Variants in TBC1D5 observed in about 807,000 individuals in gnomAD.
TBC1D5 encodes TBC1 domain family member 5, also known as TBC1 domain family, member 5.
In TBC1D5, 75 loss-of-function variants were observed where a neutral mutation model predicts 100.3. The ratio of observed to expected loss-of-function variants is 0.75; its 90% confidence interval spans 0.62 to 0.91. The LOEUF (loss-of-function observed/expected upper bound fraction) is 0.91, where lower values mean the gene tolerates loss of function less well. Ranked by LOEUF, TBC1D5 falls within the 40% of genes least tolerant of loss-of-function variation. TBC1D5 has a pLI of 0.00. For synonymous variants in TBC1D5, 323 were observed against 325.6 expected (o/e 0.99, Z 0.09); for missense variants, 910 against 942.4 (o/e 0.97, Z 0.45).
At chr3:17,293,749 C>T (rs189174984) in intron 14 of TBC1D5, among the ~76,000 whole-genome samples, 85 of 152,334 alleles carry the variant, frequency 5.6e-4, no homozygotes, top group African/African-American at 2.0e-3. Flanking sequence ...GAGAAAATTA[C>T]AGCCCAGAAG....
At chr3:17,714,177 T>C (rs553304021) in intron 1 of TBC1D5, among the ~76,000 whole-genome samples, 3 of 152,116 alleles carry the variant, frequency 2.0e-5, no homozygotes, top group East Asian at 1.9e-4. Context: ...TAATGACTGA[T>C]GCAAGATGCT....
In TBC1D5 at chr3:17,187,610, T is replaced by C. The variant is rs560667115; in HGVS notation, c.1753-2402A>G. On this transcript the variant is annotated intron_variant, in intron 18 of 21. Transcript: ENST00000253692. The stretch of plus-strand genomic sequence containing the variant: ...TTTGGAGTAGTTTGTTATGCAGCAA[T>C]AGACAACAGAAATAGTGGCAGAATG... Among the ~76,000 whole-genome samples the C allele has an allele frequency of 4.6e-5, 7 of 152,284 alleles. No homozygotes were observed. In the South Asian group the frequency reaches 1.0e-3, roughly 23 times the overall value.
chr3:17,561,231 T>C (rs748138432), intron 2 of TBC1D5, among the ~76,000 whole-genome samples: 51 of 152,180 alleles, frequency 3.4e-4, no homozygotes, highest in Admixed American at 5.9e-4. Context: ...ATCTATGTTA[T>C]AATGAAAAGG....
chr3:17,742,508 C>T (rs2077563165), upstream of TBC1D5: 1 of 152,810 alleles, frequency 6.5e-6, no homozygotes, highest in Admixed American at 6.5e-5. Flanking sequence ...TCCCCAGCTC[C>T]TATTCCCTGA....
chr3:17,696,962 A>G lies in TBC1D5; in HGVS notation c.-101+42381T>C, dbSNP rs548493261. Among the ~76,000 whole-genome samples the G allele has an allele frequency of 5.3e-5, 8 of 152,362 alleles. 1 individual carries two copies. The South Asian group carries it at 1.7e-3, about 32-fold the overall frequency. On this transcript the variant is annotated intron_variant, in intron 1 of 21. Coordinates refer to ENST00000253692, the Ensembl canonical transcript of TBC1D5. ...AGGCTGATTCAACATACGCAAATCA[A>G]TAAACATAATCCATCACATAAACAG...
At position 17,371,442 on chromosome 3, in the gene TBC1D5, C is replaced by T. The variant is rs573344655; in HGVS notation, c.995+633G>A. 4.6e-5 allele frequency among the ~76,000 whole-genome samples: 7 copies of T among 152,260 alleles called. No homozygotes were observed. The East Asian group carries it at 1.2e-3, about 25-fold the overall frequency. On this transcript the variant is annotated intron_variant, in intron 13 of 21. Coordinates refer to ENST00000253692, the Ensembl canonical transcript of TBC1D5. ...CATCTTTCTTTTGCACTGAGCTCTG[C>T]AAATTATGTAGCCAATCCTAAATAA...
At chr3:17,471,044 G>A (rs925190380) in intron 3 of TBC1D5, among the ~76,000 whole-genome samples, 1 of 152,174 alleles carries the variant, frequency 6.6e-6, no homozygotes, top group Non-Finnish European at 1.5e-5. Context: ...GTCATTGCAA[G>A]GGGTTACCAC....
At position 17,372,123 on chromosome 3, in the gene TBC1D5, A is replaced by G. The variant is rs1171179308; in HGVS notation, c.947T>C (p.Leu316Pro). The G allele has an allele frequency of 2.5e-6, 4 of 1,613,506 alleles. No homozygotes were observed. The African/African-American group carries it at 4.0e-5, about 16-fold the overall frequency. Residue 316 changes from leucine (L) to proline (P), a missense_variant, in exon 13 of 22, where the codon CTT becomes CCT. Transcript: ENST00000253692. ...TTCTAGTCTGTTCAAGTGCATGTAAAGCTCAATATCATGCTTCTTCAGTAG... is the reference window on the plus strand; with the variant it reads ...TTCTAGTCTGTTCAAGTGCATGTAAGGCTCAATATCATGCTTCTTCAGTAG...
At chr3:17,389,170 T>C (rs2093271874) in intron 8 of TBC1D5, among the ~76,000 whole-genome samples, 1 of 152,114 alleles carries the variant, frequency 6.6e-6, no homozygotes, top group African/African-American at 2.4e-5. Context: ...TTCAGAATTT[T>C]ACGTATTGTG....
chr3:17,223,012 T>C (rs1303475197), intron 17 of TBC1D5, among the ~76,000 whole-genome samples: 2 of 152,168 alleles, frequency 1.3e-5, no homozygotes, highest in Non-Finnish European at 2.9e-5. Flanking sequence ...TATTAAATCT[T>C]ACAACATTTA....
At chr3:17,251,765 T>C (rs1018834334) in intron 16 of TBC1D5, among the ~76,000 whole-genome samples, 13 of 152,220 alleles carry the variant, frequency 8.5e-5, no homozygotes, top group African/African-American at 3.1e-4. Flanking sequence ...CACATTTCTT[T>C]TTAAAAATGG....
At chr3:17,269,997 T>C (rs149261548) in intron 15 of TBC1D5, among the ~76,000 whole-genome samples, 2 of 152,310 alleles carry the variant, frequency 1.3e-5, no homozygotes, top group Admixed American at 1.3e-4. Flanking sequence ...ATATTTTCCT[T>C]TGGGCATATA....
chr3:17,681,919 T>C (rs1003424446), intron 1 of TBC1D5, among the ~76,000 whole-genome samples: 2 of 151,528 alleles, frequency 1.3e-5, no homozygotes, highest in African/African-American at 4.9e-5. Flanking sequence ...TAGATTCTCA[T>C]ACGAATGCAA....
At chr3:17,213,653 C>T (rs1215090416) in intron 18 of TBC1D5, among the ~76,000 whole-genome samples, 2 of 143,518 alleles carry the variant, frequency 1.4e-5, no homozygotes, top group African/African-American at 5.3e-5. Flanking sequence ...GTAATCCCAG[C>T]TTCTCAGGAG....
At chr3:17,202,395 C>T (rs771105510) in intron 18 of TBC1D5, among the ~76,000 whole-genome samples, 9 of 152,094 alleles carry the variant, frequency 5.9e-5, no homozygotes, top group Non-Finnish European at 8.8e-5. Context: ...GGAAGCAGAG[C>T]ATAAAAGTTT....
At chr3:17,490,054 T>C (rs1361507913) in intron 3 of TBC1D5, among the ~76,000 whole-genome samples, 1 of 152,220 alleles carries the variant, frequency 6.6e-6, no homozygotes, top group East Asian at 1.9e-4. Context: ...TGGCATGAGA[T>C]GGTATCTCAC....
At chr3:17,538,004 T>C (rs976791689) in intron 2 of TBC1D5, among the ~76,000 whole-genome samples, 1 of 152,034 alleles carries the variant, frequency 6.6e-6, no homozygotes, top group Non-Finnish European at 1.5e-5. Flanking sequence ...AATCAATACA[T>C]GTAAGATGTG....
chr3:17,330,927 T>A (rs763436766), intron 13 of TBC1D5, among the ~76,000 whole-genome samples: 1 of 152,130 alleles, frequency 6.6e-6, no homozygotes, highest in Non-Finnish European at 1.5e-5. Flanking sequence ...CTTGTCCCCA[T>A]CCAATAATTG....
At chr3:17,500,769 G>A (rs1211563127) in intron 3 of TBC1D5, among the ~76,000 whole-genome samples, 1 of 149,078 alleles carries the variant, frequency 6.7e-6, no homozygotes, top group African/African-American at 2.6e-5. Flanking sequence ...CTAATCATGG[G>A]GACTTTCTAC....
Sources: gnomAD v4.1 joint callset for allele counts (sites outside exome capture counted in the v4.1 genomes callset) on GRCh38, gnomAD v4.1.1 for gene constraint, MANE v1.5 for transcripts, NCBI Gene and HGNC (gene_info 2026-07-23, HGNC 2026-07-21) for gene names.